Variants in DOCK7 observed in about 807,000 individuals in gnomAD.
The protein encoded by DOCK7 is dedicator of cytokinesis protein 7.
DOCK7 carries 138 observed loss-of-function variants against 271.0 expected under a neutral mutation model. The ratio of observed to expected loss-of-function variants is 0.51; its 90% CI spans 0.44 to 0.59. The LOEUF (loss-of-function observed/expected upper bound fraction) is 0.59. Among genes scored for constraint, DOCK7 ranks in the 20% least tolerant of loss-of-function variants. The pLI, the probability that DOCK7 is intolerant of heterozygous loss-of-function variation, is 0.00. For missense variants in DOCK7, 2,066 were observed against 2,592.4 expected, an observed-to-expected ratio of 0.80 and a Z score of 4.41; for synonymous variants, 823 against 876.1, an observed-to-expected ratio of 0.94 and a Z score of 1.07.
intron 43 of DOCK7, chr1:62,478,735 A>G (rs895502372): frequency 1.3e-5 from 2 of 152,104 alleles, no homozygotes; most frequent in African/African-American, 2.4e-5. Flanking sequence ...TTTATGTAGA[A>G]GAGTTACTAA....
chr1:62,615,618 G>T (rs1652342236), intron 14 of DOCK7, among the ~76,000 whole-genome samples: 1 of 151,796 alleles, frequency 6.6e-6, no homozygotes, highest in East Asian at 1.9e-4. Context: ...TTAAATAGGA[G>T]TAACTCTAAT....
intron 43 of DOCK7, 91 bp downstream of exon 43, chr1:62,487,307 C>T: frequency 1.6e-6 from 2 of 1,287,938 alleles, no homozygotes; most frequent in South Asian, 1.3e-5. Context: ...AACAGAATGC[C>T]CACAGCTAGC....
intron 1 of DOCK7, 147 bp downstream of exon 1, chr1:62,688,080 C>A: frequency 9.4e-7 from 1 of 1,063,538 alleles, no homozygotes; most frequent in Non-Finnish European, 1.2e-6. Context: ...TCAGCCACCC[C>A]GAACCCCTTC....
At chr1:62,520,101 C>T (rs1219325572) in intron 31 of DOCK7, among the ~76,000 whole-genome samples, 2 of 152,102 alleles carry the variant, frequency 1.3e-5, no homozygotes, top group African/African-American at 4.8e-5. Flanking sequence ...AAAATTAACT[C>T]GAGATGGATT....
chr1:62,584,070 G>A, intron 15 of DOCK7: 23 of 840,104 alleles, frequency 2.7e-5, no homozygotes, highest in Non-Finnish European at 3.2e-5. Flanking sequence ...GAATAGATAT[G>A]TGAACATGTC....
intron 1 of DOCK7, among the ~76,000 whole-genome samples, chr1:62,676,146 C>T (rs1352412463): frequency 6.6e-6 from 1 of 152,152 alleles, no homozygotes; most frequent in African/African-American, 2.4e-5. Context: ...TGTCCATCAG[C>T]TGATGAATGG....
chr1:62,610,561 C>T (rs867659129), intron 14 of DOCK7, among the ~76,000 whole-genome samples: 4 of 152,176 alleles, frequency 2.6e-5, no homozygotes, highest in African/African-American at 9.6e-5. Context: ...TGGTTTGCTG[C>T]ACCCATCAAC....
chr1:62,510,542 AC>A (rs1644453512), intron 34 of DOCK7, 34 bp downstream of exon 34: 1 of 1,496,802 alleles, frequency 6.7e-7, no homozygotes, highest in African/African-American at 1.4e-5. Context: ...AATTCAACAC[AC>A]CCATCAGTAA....
chr1:62,662,259 T>C (rs1658746778), intron 2 of DOCK7, among the ~76,000 whole-genome samples: 1 of 152,176 alleles, frequency 6.6e-6, no homozygotes, highest in Non-Finnish European at 1.5e-5. Flanking sequence ...TATTAGTTTT[T>C]ATCAAAACTG....
chr1:62,530,309 T>C (rs777569883), intron 29 of DOCK7, among the ~76,000 whole-genome samples: 2 of 152,202 alleles, frequency 1.3e-5, no homozygotes, highest in Non-Finnish European at 2.9e-5. Context: ...CAAAGAGTCT[T>C]TCCTTTTTGT....
intron 1 of DOCK7, among the ~76,000 whole-genome samples, chr1:62,668,936 A>G (rs1220872670): frequency 6.6e-6 from 1 of 152,120 alleles, no homozygotes; most frequent in Non-Finnish European, 1.5e-5. Flanking sequence ...AAAAAAAAAA[A>G]AAAAAGGCTT....
chr1:62,513,466 C>G lies in DOCK7; in HGVS notation c.4260G>C (p.Thr1420=). The change falls in exon 33 of 50, where the codon ACG becomes ACC. Residue 1420 remains threonine, a synonymous_variant. Transcript: ENST00000635253. Reference sequence around the variant, plus strand: ...CACCAGGAGGAGAAGCTATTGTGTACGTACCGAGCTGTCCTCGGCTTCGCC... The same window carrying G: ...CACCAGGAGGAGAAGCTATTGTGTAGGTACCGAGCTGTCCTCGGCTTCGCC... The part of the protein sequence containing the change: ...MVRRSRGQLG[T]YTIASPPERS... 1 of 1,608,108 alleles carries G rather than the reference C, an allele frequency of 6.2e-7. No homozygotes were observed. Among genetic ancestry groups the G allele is most frequent in the South Asian group, 1.1e-5 (1 of 89,606 alleles).
At chr1:62,657,278 G>A (rs192841230) in intron 2 of DOCK7, among the ~76,000 whole-genome samples, 1 of 152,294 alleles carries the variant, frequency 6.6e-6, no homozygotes, top group East Asian at 1.9e-4. Flanking sequence ...TCCAGTAGAA[G>A]TGGGAACCCT....
rs1246491451 is a variant in DOCK7, at chr1:62,636,332, ACT to A, written c.885+203_885+204del. 6.6e-5 allele frequency among the ~76,000 whole-genome samples: 10 copies of A among 152,252 alleles called. No homozygotes were observed. In the East Asian group the frequency reaches 1.9e-3, roughly 29 times the overall value. On this transcript the variant is annotated intron_variant, in intron 8 of 49. Transcript: ENST00000635253. ...GTTGCTTCTGCTATTTGCTTTTAACACTCTTTCAGTGAAACAATAACCTGTTT... is the reference window on the plus strand; with the variant it reads ...GTTGCTTCTGCTATTTGCTTTTAACACTTTCAGTGAAACAATAACCTGTTT...
At chr1:62,514,669 G>C (rs996969482) in intron 31 of DOCK7, among the ~76,000 whole-genome samples, 1 of 151,904 alleles carries the variant, frequency 6.6e-6, no homozygotes, top group Non-Finnish European at 1.5e-5. Context: ...AATGATGATG[G>C]CAAAAAATAA....
In DOCK7 at chr1:62,578,017, G is replaced by A. The variant is rs1056753759; in HGVS notation, c.2011-654C>T. 4.6e-5 allele frequency among the ~76,000 whole-genome samples: 7 copies of A among 151,812 alleles called. 1 individual carries two copies. The South Asian group carries it at 8.3e-4, about 18-fold the overall frequency. On this transcript the variant is annotated intron_variant, in intron 17 of 49. Transcript: ENST00000635253. The stretch of plus-strand genomic sequence containing the variant: ...TGGCTCACTGCAACCTCTGCCTCCC[G>A]GGCTCAAGCAATCCTCCCATCTCAG...
chr1:62,539,208 G>A (rs555633736), intron 27 of DOCK7, among the ~76,000 whole-genome samples: 76 of 152,156 alleles, frequency 5.0e-4, no homozygotes, highest in South Asian at 1.5e-3. Flanking sequence ...AAGTCCACTC[G>A]GTATAAATGC....
At chr1:62,638,605 AT>A (rs965063692) in intron 7 of DOCK7, among the ~76,000 whole-genome samples, 34 of 146,846 alleles carry the variant, frequency 2.3e-4, no homozygotes, top group Non-Finnish European at 4.3e-4. Context: ...ATGAATATAT[AT>A]TTTTTCATGA....
chr1:62,604,886 C>T (rs1650742768), intron 14 of DOCK7: 2 of 1,489,986 alleles, frequency 1.3e-6, no homozygotes, highest in Admixed American at 3.4e-5. Flanking sequence ...GTCTAATAAT[C>T]TGGTATTAAA....
Sources: gnomAD v4.1 joint callset for allele counts (sites outside exome capture counted in the v4.1 genomes callset) on GRCh38, gnomAD v4.1.1 for gene constraint, MANE v1.5 for transcripts, NCBI Gene and HGNC (gene_info 2026-07-23, HGNC 2026-07-21) for gene names.